The following ARID1B variants were observed in gnomAD, a reference collection of about 807,000 sequenced individuals.
The protein encoded by ARID1B is AT-rich interactive domain-containing protein 1B.
Under a neutral mutation model 212.3 loss-of-function variants are expected in ARID1B, and 30 were observed. That is an observed-to-expected ratio of 0.14 (90% confidence interval 0.11 to 0.19). ARID1B has a LOEUF of 0.19. Among genes scored for constraint, ARID1B ranks in the 10% least tolerant of loss-of-function variants. The probability of loss-of-function intolerance (pLI) is 1.00; values close to 1 mark genes in which losing one functional copy is unlikely to be tolerated. For missense variants in ARID1B, 2,891 were observed against 3,204.0 expected, an observed-to-expected ratio of 0.90 and a Z score of 2.36; for synonymous variants, 1,402 against 1,301.7, an observed-to-expected ratio of 1.08 and a Z score of -1.66.
At chr6:156,901,882 C>T (rs1788972055) in intron 3 of ARID1B, 1 of 259,320 alleles carries the variant, frequency 3.9e-6, no homozygotes, top group Non-Finnish European at 7.4e-6. Flanking sequence ...ATCATTTAAT[C>T]CTTCTAGTTG....
intron 5 of ARID1B, among the ~76,000 whole-genome samples, chr6:157,087,974 T>C (rs1785057787): frequency 6.6e-6 from 1 of 152,224 alleles, no homozygotes; most frequent in African/African-American, 2.4e-5. Flanking sequence ...TCTCAGATCA[T>C]AGGCAAACAT....
At chr6:157,163,147 C>G (rs751137682) in intron 8 of ARID1B, among the ~76,000 whole-genome samples, 4 of 152,146 alleles carry the variant, frequency 2.6e-5, no homozygotes, top group Non-Finnish European at 2.9e-5. Context: ...CATTTGGAGC[C>G]GTCCAAATGT....
chr6:157,169,080 GC>G (rs746630419), intron 9 of ARID1B: 12 of 145,140 alleles, frequency 8.3e-5, no homozygotes, highest in Non-Finnish European at 1.6e-4. Flanking sequence ...TTACAGCACA[GC>G]CCCTGTGAGC....
chr6:157,018,509 C>T (rs968224822), intron 4 of ARID1B, among the ~76,000 whole-genome samples: 2 of 152,092 alleles, frequency 1.3e-5, no homozygotes, highest in Admixed American at 6.5e-5. Flanking sequence ...CCACCGTGCC[C>T]GGCATAACTA....
At chr6:156,845,349 A>G (rs545410640) in intron 2 of ARID1B, among the ~76,000 whole-genome samples, 28 of 152,180 alleles carry the variant, frequency 1.8e-4, no homozygotes, top group Non-Finnish European at 7.4e-5. Flanking sequence ...TCTTGAAATT[A>G]CTTTGACCTC....
At chr6:156,896,881 C>G in intron 2 of ARID1B, among the ~76,000 whole-genome samples, 1 of 151,958 alleles carries the variant, frequency 6.6e-6, no homozygotes. Context: ...CCACCTCAAA[C>G]AAAACAAAAA....
intron 1 of ARID1B, among the ~76,000 whole-genome samples, chr6:156,799,545 C>T (rs759274014): frequency 5.9e-5 from 9 of 152,228 alleles, no homozygotes; most frequent in Non-Finnish European, 2.9e-5. Context: ...GTGGTGCTAT[C>T]TCCTCACTGC....
intron 7 of ARID1B, among the ~76,000 whole-genome samples, chr6:157,146,904 T>C (rs1789768783): frequency 6.6e-6 from 1 of 152,178 alleles, no homozygotes; most frequent in Admixed American, 6.5e-5. Flanking sequence ...CACATTTTAT[T>C]GGTCAAATAC....
At chr6:156,783,139 ATATT>A (rs1205818566) in intron 1 of ARID1B, among the ~76,000 whole-genome samples, 1 of 151,878 alleles carries the variant, frequency 6.6e-6, no homozygotes, top group Non-Finnish European at 1.5e-5. Context: ...CTGCTTGTCT[ATATT>A]TAGTCATGAA....
At chr6:157,077,484 G>C (rs77649812) in intron 4 of ARID1B, among the ~76,000 whole-genome samples, 1 of 152,128 alleles carries the variant, frequency 6.6e-6, no homozygotes, top group Non-Finnish European at 1.5e-5. Context: ...AGTGCCGCCT[G>C]TGCCGAAATG....
chr6:157,001,468 G>A (rs558056817), intron 4 of ARID1B, among the ~76,000 whole-genome samples: 46 of 152,272 alleles, frequency 3.0e-4, no homozygotes, highest in Non-Finnish European at 5.3e-4. Context: ...TTCGTCCGAC[G>A]TCTCCTTTCT....
chr6:156,827,217 G>A (rs1187903831), intron 1 of ARID1B, among the ~76,000 whole-genome samples: 1 of 152,106 alleles, frequency 6.6e-6, no homozygotes. Flanking sequence ...TTTTCACCTG[G>A]ATTTCATATC....
chr6:156,855,181 G>A (rs1198521959), intron 2 of ARID1B, among the ~76,000 whole-genome samples: 1 of 152,210 alleles, frequency 6.6e-6, no homozygotes, highest in African/African-American at 2.4e-5. Flanking sequence ...GGAAGAGCAA[G>A]TTTGTAATAC....
At chr6:156,958,360 T>G (rs1381143038) in intron 4 of ARID1B, among the ~76,000 whole-genome samples, 1 of 152,286 alleles carries the variant, frequency 6.6e-6, no homozygotes, top group African/African-American at 2.4e-5. Flanking sequence ...TGTGGCATAC[T>G]GTACACTTCA....
chr6:156,934,912 TTATATATATATATATATA>T (rs201495355), intron 3 of ARID1B, among the ~76,000 whole-genome samples: 632 of 52,684 alleles, frequency 0.012, 12 homozygotes, highest in African/African-American at 0.015. Context: ...TAGTTGTTAA[TTATATATATATATATATA>T]TATATATATA....
chr6:156,824,486 C>T (rs1782604005), intron 1 of ARID1B, among the ~76,000 whole-genome samples: 1 of 152,164 alleles, frequency 6.6e-6, no homozygotes. Flanking sequence ...TAAAATTGGC[C>T]AGGCGCAGCG....
chr6:156,873,780 G>A (rs1339968233), intron 2 of ARID1B, among the ~76,000 whole-genome samples: 1 of 152,208 alleles, frequency 6.6e-6, no homozygotes, highest in African/African-American at 2.4e-5. Flanking sequence ...ACAGTCTCAG[G>A]CATTGGTAAC....
At chr6:157,147,242 G>C (rs529030331) in intron 7 of ARID1B, among the ~76,000 whole-genome samples, 8 of 146 alleles carry the variant, frequency 0.055, no homozygotes, top group East Asian at 0.17. Context: ...CGACCCTGCC[G>C]TCCGTCCCCC....
intron 5 of ARID1B, among the ~76,000 whole-genome samples, chr6:157,085,689 T>C (rs889924483): frequency 6.6e-5 from 10 of 151,480 alleles, no homozygotes; most frequent in Non-Finnish European, 7.4e-5. Flanking sequence ...TTTTAACGTT[T>C]CACCTCTTTT....
Sources: gnomAD v4.1 joint callset for allele counts (sites outside exome capture counted in the v4.1 genomes callset) on GRCh38, gnomAD v4.1.1 for gene constraint, MANE v1.5 for transcripts, NCBI Gene and HGNC (gene_info 2026-07-23, HGNC 2026-07-21) for gene names.